CHCHD6: variants seen among roughly 807,000 people sequenced by gnomAD.
The protein encoded by CHCHD6 is coiled-coil-helix-coiled-coil-helix domain containing 6, also known as MICOS complex subunit MIC25.
CHCHD6 carries 28 observed loss-of-function variants against 32.3 expected under a neutral mutation model. That is an observed-to-expected ratio of 0.87 (90% CI 0.64 to 1.19). The LOEUF is 1.19. CHCHD6 is among the 50% of genes most tolerant of loss of function. The pLI, the probability that CHCHD6 is intolerant of heterozygous loss-of-function variation, is 0.00. For synonymous variants in CHCHD6, 122 were observed against 117.5 expected (o/e 1.04, Z -0.25); for missense variants, 333 against 307.0 (o/e 1.08, Z -0.63).
At chr3:126,863,746 TCCTCTTCCACCACCATCA>T (rs1942080845) in intron 5 of CHCHD6, among the ~76,000 whole-genome samples, 2 of 136,266 alleles carry the variant, frequency 1.5e-5, no homozygotes, top group Non-Finnish European at 1.6e-5. Flanking sequence ...CATCACCACC[TCCTCTTCCACCACCATCA>T]CCTCCTCCTC....
In CHCHD6 at chr3:126,781,756, C is replaced by A. The variant is rs190067968; in HGVS notation, c.411+48534C>A. Among the ~76,000 whole-genome samples the A allele has an allele frequency of 9.8e-5, 15 of 152,372 alleles. No individual in the cohort carries two copies. In the East Asian group the frequency reaches 2.9e-3, roughly 29 times the overall value. Reference sequence around the variant, plus strand: ...CCATTTCATCCATCTGCCTTTCATTCTTGCCATTCCCTCCTTCTTTATCCT... The same window carrying A: ...CCATTTCATCCATCTGCCTTTCATTATTGCCATTCCCTCCTTCTTTATCCT... On this transcript the variant is annotated intron_variant, in intron 4 of 7. Coordinates refer to ENST00000290913, the MANE Select transcript of CHCHD6 (RefSeq NM_032343.3).
At position 126,960,334 on chromosome 3, in the gene CHCHD6, C is replaced by A; in HGVS notation, c.*133C>A. 3 of 1,039,872 alleles carry A rather than the reference C, an allele frequency of 2.9e-6. No homozygotes were observed. The highest frequency in any genetic ancestry group is 2.9e-6 in the Non-Finnish European group (2 of 694,840). 64.4% of individuals were successfully genotyped at this position (1,039,872 alleles called of 1,614,324 possible). ...TATGCCCCTGAGCCTGGGGCTGCCA[C>A]GTGTTTAGGAAACAAAGTATGCGCT... On this transcript the variant is annotated 3_prime_UTR_variant, in exon 8 of 8. Transcript: ENST00000290913.
At chr3:126,753,942 G>A (rs1252697371) in intron 4 of CHCHD6, among the ~76,000 whole-genome samples, 1 of 152,214 alleles carries the variant, frequency 6.6e-6, no homozygotes, top group Non-Finnish European at 1.5e-5. Flanking sequence ...AGGCTTGAGT[G>A]TTTATTGGGA....
At chr3:126,767,211 T>A in intron 4 of CHCHD6, 1 of 1,573,316 alleles carries the variant, frequency 6.4e-7, no homozygotes, top group Non-Finnish European at 8.7e-7. Context: ...GCCATTTTGG[T>A]AATTGGCTGG....
intron 4 of CHCHD6, among the ~76,000 whole-genome samples, chr3:126,846,632 G>A (rs61042453): frequency 6.6e-6 from 1 of 152,306 alleles, no homozygotes; most frequent in African/African-American, 2.4e-5. Context: ...AACAATGGAG[G>A]CAAGATAGTT....
At chr3:126,918,457 C>T (rs1158461028) in intron 6 of CHCHD6, among the ~76,000 whole-genome samples, 1 of 152,180 alleles carries the variant, frequency 6.6e-6, no homozygotes, top group Non-Finnish European at 1.5e-5. Flanking sequence ...CAGCAAGGAG[C>T]TTATAACATT....
At chr3:126,783,590 G>A (rs900440163) in intron 4 of CHCHD6, among the ~76,000 whole-genome samples, 1 of 152,150 alleles carries the variant, frequency 6.6e-6, no homozygotes, top group Admixed American at 6.5e-5. Context: ...TAAAATTGCA[G>A]GATGCAATAT....
At chr3:126,852,999 T>C (rs1941529950) in intron 5 of CHCHD6, among the ~76,000 whole-genome samples, 1 of 152,206 alleles carries the variant, frequency 6.6e-6, no homozygotes, top group Admixed American at 6.5e-5. Flanking sequence ...TCTACGGTAG[T>C]TCAATTTTAG....
chr3:126,935,810 A>G (rs1456941849), intron 6 of CHCHD6, among the ~76,000 whole-genome samples: 1 of 152,278 alleles, frequency 6.6e-6, no homozygotes, highest in Non-Finnish European at 1.5e-5. Context: ...AAAGGTGATT[A>G]TACAGCATAG....
chr3:126,786,915 A>G (rs1487619091), intron 4 of CHCHD6, among the ~76,000 whole-genome samples: 8 of 152,198 alleles, frequency 5.3e-5, no homozygotes, highest in South Asian at 2.1e-4. Context: ...TATGTCCTGA[A>G]TGGTATTGCC....
intron 5 of CHCHD6, chr3:126,854,910 G>A (rs1179698739): frequency 1.3e-5 from 2 of 152,238 alleles, no homozygotes; most frequent in African/African-American, 4.8e-5. Flanking sequence ...CACCGTGGAA[G>A]CTGGTCAGCC....
At chr3:126,723,152 T>C (rs1935384716) in intron 1 of CHCHD6, among the ~76,000 whole-genome samples, 1 of 152,236 alleles carries the variant, frequency 6.6e-6, no homozygotes, top group Non-Finnish European at 1.5e-5. Flanking sequence ...TTCCCTTCCA[T>C]TGATATGTTT....
intron 6 of CHCHD6, among the ~76,000 whole-genome samples, chr3:126,921,673 G>T (rs2078249765): frequency 6.6e-6 from 1 of 152,180 alleles, no homozygotes; most frequent in Non-Finnish European, 1.5e-5. Context: ...GAGCCATTGT[G>T]CTCCAAGGAC....
chr3:126,764,387 C>T (rs999170534), intron 4 of CHCHD6, among the ~76,000 whole-genome samples: 8 of 152,128 alleles, frequency 5.3e-5, no homozygotes, highest in African/African-American at 1.2e-4. Context: ...ACGTTCCCAG[C>T]TGGGCAACTG....
At chr3:126,917,267 G>A (rs2078184916) in intron 6 of CHCHD6, among the ~76,000 whole-genome samples, 1 of 152,230 alleles carries the variant, frequency 6.6e-6, no homozygotes, top group Non-Finnish European at 1.5e-5. Flanking sequence ...TCATATACAA[G>A]TGAAGAACTG....
intron 6 of CHCHD6, among the ~76,000 whole-genome samples, chr3:126,935,816 C>T (rs2078471666): frequency 6.6e-6 from 1 of 152,174 alleles, no homozygotes; most frequent in Non-Finnish European, 1.5e-5. Flanking sequence ...GATTATACAG[C>T]ATAGCAAATC....
At chr3:126,733,544 G>A (rs1935909030) in intron 4 of CHCHD6, among the ~76,000 whole-genome samples, 1 of 152,234 alleles carries the variant, frequency 6.6e-6, no homozygotes, top group Non-Finnish European at 1.5e-5. Flanking sequence ...GGCTGCAGTG[G>A]TATGTGTGTC....
intron 1 of CHCHD6, among the ~76,000 whole-genome samples, chr3:126,708,960 T>C (rs1229286818): frequency 6.6e-6 from 1 of 152,172 alleles, no homozygotes; most frequent in Non-Finnish European, 1.5e-5. Context: ...AGGACCCCCA[T>C]GGATACCAAA....
At chr3:126,721,535 T>G (rs994474916) in intron 1 of CHCHD6, among the ~76,000 whole-genome samples, 7 of 152,162 alleles carry the variant, frequency 4.6e-5, no homozygotes, top group Admixed American at 4.6e-4. Context: ...CTGGGCTGCT[T>G]CTCTTTGTTT....
Sources: allele counts gnomAD v4.1 joint callset (sites outside exome capture counted in the v4.1 genomes callset), GRCh38; gene constraint gnomAD v4.1.1; transcripts MANE v1.5; gene names NCBI Gene and HGNC (gene_info 2026-07-23, HGNC 2026-07-21).